Variants in ATRX observed in about 807,000 individuals in gnomAD.
ATRX encodes the protein chromatin remodeler ATRX.
ATRX carries 12 observed loss-of-function variants against 172.6 expected under a neutral mutation model. The observed-to-expected ratio is 0.07, with a 90% CI of 0.04 to 0.11. The LOEUF (loss-of-function observed/expected upper bound fraction) is 0.11, where lower values mean the gene tolerates loss of function less well. Ranked by LOEUF, ATRX falls within the 10% of genes least tolerant of loss-of-function variation. ATRX has a pLI of 1.00. For synonymous variants in ATRX, 674 were observed against 594.7 expected, an observed-to-expected ratio of 1.13 and a Z score of -1.94; for missense variants, 1,368 against 1,767.4, an observed-to-expected ratio of 0.77 and a Z score of 4.05.
intron 30 of ATRX, among the ~76,000 whole-genome samples, chrX:77,549,522 C>T (rs782161892): frequency 1.8e-5 from 2 of 112,487 alleles, no homozygotes; most frequent in Non-Finnish European, 3.8e-5. Flanking sequence ...TTAACATTTA[C>T]ATAAACGTTA....
chrX:77,668,270 G>C (rs1254597819), intron 10 of ATRX, among the ~76,000 whole-genome samples: 1 of 111,281 alleles, frequency 9.0e-6, no homozygotes, highest in Non-Finnish European at 1.9e-5. Flanking sequence ...ACGGGCCACA[G>C]AGACTTCAAG....
intron 19 of ATRX, among the ~76,000 whole-genome samples, chrX:77,626,521 T>C (rs1016611770): frequency 1.3e-4 from 14 of 111,590 alleles, no homozygotes; most frequent in African/African-American, 3.6e-4. Flanking sequence ...AAAAGGAGTG[T>C]GTTGCAGAAT....
chrX:77,655,257 G>A (rs1603100197), intron 13 of ATRX, among the ~76,000 whole-genome samples: 2 of 110,432 alleles, frequency 1.8e-5, no homozygotes, highest in East Asian at 5.6e-4. Context: ...CTTAAAAATC[G>A]TTAAGATGAA....
intron 30 of ATRX, among the ~76,000 whole-genome samples, chrX:77,546,965 T>C (rs782619918): frequency 1.8e-5 from 2 of 112,185 alleles, no homozygotes; most frequent in South Asian, 3.7e-4. Flanking sequence ...CTATATTATG[T>C]ATTATGCCAG....
At chrX:77,709,835 T>C (rs1030057769) in intron 2 of ATRX, among the ~76,000 whole-genome samples, 1 of 111,303 alleles carries the variant, frequency 9.0e-6, no homozygotes, top group African/African-American at 3.3e-5. Flanking sequence ...TAAAAATAAA[T>C]GTGTAACCAT....
chrX:77,637,039 G>T (rs1344233014), intron 15 of ATRX, among the ~76,000 whole-genome samples: 1 of 105,312 alleles, frequency 9.5e-6, no homozygotes, highest in Non-Finnish European at 2.0e-5. Context: ...GGAAGGAGGA[G>T]GAAGGAGGAG....
intron 15 of ATRX, among the ~76,000 whole-genome samples, chrX:77,649,188 AAGGAAGGAAGGAAGGAAGGG>A (rs1328845452): frequency 3.6e-5 from 4 of 109,670 alleles, no homozygotes; most frequent in Admixed American, 2.0e-4. Context: ...GAAAGAAAGA[AAGGAAGGAAGGAAGGAAGGG>A]AGGAAGGAAG....
chrX:77,562,442 G>A (rs2065052283), intron 28 of ATRX, among the ~76,000 whole-genome samples: 1 of 111,734 alleles, frequency 8.9e-6, no homozygotes, highest in Non-Finnish European at 1.9e-5. Context: ...ATGTAGGATA[G>A]AACTAGTTTC....
intron 11 of ATRX, among the ~76,000 whole-genome samples, chrX:77,664,117 AT>A (rs1436902151): frequency 1.8e-5 from 2 of 111,098 alleles, no homozygotes; most frequent in Non-Finnish European, 3.8e-5. Context: ...AAAAAAAAAA[AT>A]CATCTGTTTA....
chrX:77,760,800 TA>T (rs1158115569), intron 1 of ATRX, among the ~76,000 whole-genome samples: 1 of 111,476 alleles, frequency 9.0e-6, no homozygotes, highest in African/African-American at 3.3e-5. Flanking sequence ...ACTTAAATAA[TA>T]AAAAAATAGA....
At chrX:77,697,080 A>G (rs1557150352) in intron 4 of ATRX, among the ~76,000 whole-genome samples, 1 of 112,299 alleles carries the variant, frequency 8.9e-6, no homozygotes, top group Non-Finnish European at 1.9e-5. Context: ...TATACTGCAT[A>G]GTATATTGGG....
At chrX:77,689,932 C>T (rs1464353863) in intron 6 of ATRX, among the ~76,000 whole-genome samples, 1 of 112,269 alleles carries the variant, frequency 8.9e-6, no homozygotes, top group Admixed American at 9.4e-5. Flanking sequence ...AACTAAAAAA[C>T]AAATTGGCTC....
At chrX:77,625,552 A>G (rs972304914) in intron 19 of ATRX, among the ~76,000 whole-genome samples, 1 of 112,742 alleles carries the variant, frequency 8.9e-6, no homozygotes, top group Non-Finnish European at 1.9e-5. Context: ...CAGTAAGAAA[A>G]AAACCAAACA....
At chrX:77,596,910 T>G (rs1298512942) in intron 25 of ATRX, 8 of 111,174 alleles carry the variant, frequency 7.2e-5, no homozygotes, top group African/African-American at 2.6e-4. Context: ...TGGTCTACTC[T>G]TCTGCTCCTG....
In ATRX at chrX:77,515,293, C is replaced by T. The variant is rs185140456; in HGVS notation, c.7200+5495G>A. On this transcript the variant is annotated intron_variant, in intron 34 of 34. Coordinates refer to ENST00000373344, the MANE Select transcript of ATRX (RefSeq NM_000489.6). Reference sequence around the variant, plus strand: ...TACATTGTTCTATTATAATGACACACGTATATGTTCATTGCAGCACTATCC... The same window carrying T: ...TACATTGTTCTATTATAATGACACATGTATATGTTCATTGCAGCACTATCC... Among the ~76,000 whole-genome samples the T allele has an allele frequency of 1.1e-4, 12 of 110,839 alleles. No individual in the cohort carries two copies. The East Asian group carries it at 2.5e-3, about 23-fold the overall frequency.
intron 30 of ATRX, among the ~76,000 whole-genome samples, chrX:77,529,302 A>G: frequency 9.0e-6 from 1 of 111,533 alleles, no homozygotes; most frequent in South Asian, 3.8e-4. Context: ...AGAAATGCAG[A>G]GAACCCCAGT....
intron 2 of ATRX, among the ~76,000 whole-genome samples, chrX:77,707,818 C>A (rs1284810845): frequency 9.0e-6 from 1 of 111,717 alleles, no homozygotes; most frequent in African/African-American, 3.3e-5. Flanking sequence ...CAAATAAGCA[C>A]ATGAAATGAT....
At chrX:77,731,571 A>C in intron 1 of ATRX, among the ~76,000 whole-genome samples, 1 of 111,668 alleles carries the variant, frequency 9.0e-6, no homozygotes, top group East Asian at 2.8e-4. Flanking sequence ...TTCTGTTTGA[A>C]TAATGTCTCT....
rs148487681 is a variant in ATRX, at chrX:77,725,158, T to A, written c.21-7915A>T. On this transcript the variant is annotated intron_variant, in intron 1 of 34. Coordinates refer to ENST00000373344, the MANE Select transcript of ATRX (RefSeq NM_000489.6). ...TCTTTTCAGAGTGGTTAAACCGCATTGCCACAACAATCCTAAGCAAAAAGA... is the reference window on the plus strand; with the variant it reads ...TCTTTTCAGAGTGGTTAAACCGCATAGCCACAACAATCCTAAGCAAAAAGA... Among the ~76,000 whole-genome samples, 11 of 111,442 alleles carry A rather than the reference T, an allele frequency of 9.9e-5. No homozygotes were observed. In the East Asian group the frequency reaches 2.8e-3, roughly 28 times the overall value.
Sources: allele counts gnomAD v4.1 joint callset (sites outside exome capture counted in the v4.1 genomes callset), GRCh38; gene constraint gnomAD v4.1.1; transcripts MANE v1.5; gene names NCBI Gene and HGNC (gene_info 2026-07-23, HGNC 2026-07-21).